Variants in NPHP4 observed in about 807,000 individuals in gnomAD.
NPHP4 encodes the protein nephrocystin 4.
A neutral mutation model predicts 155.8 loss-of-function variants in NPHP4; 151 were observed. The observed-to-expected ratio is 0.97, with a 90% CI of 0.85 to 1.11. The LOEUF (loss-of-function observed/expected upper bound fraction) is 1.11, where lower values mean the gene tolerates loss of function less well. Among genes scored for constraint, NPHP4 ranks in the 50% least tolerant of loss-of-function variants. The pLI, the probability that NPHP4 is intolerant of heterozygous loss-of-function variation, is 0.00. For missense variants in NPHP4, 1,956 were observed against 1,925.7 expected (o/e 1.02, Z -0.29); for synonymous variants, 845 against 816.8 (o/e 1.03, Z -0.59).
intron 8 of NPHP4, among the ~76,000 whole-genome samples, chr1:5,947,585 G>A (rs1647176618): frequency 6.6e-6 from 1 of 152,202 alleles, no homozygotes; most frequent in Non-Finnish European, 1.5e-5. Context: ...TGCCACAGAG[G>A]ATGGAGGCTC....
intron 2 of NPHP4, among the ~76,000 whole-genome samples, chr1:5,979,337 GGGGCA>G (rs575682989): frequency 1.6e-4 from 24 of 151,886 alleles, no homozygotes; most frequent in African/African-American, 5.1e-4. Flanking sequence ...TGGGTGGGGC[GGGGCA>G]GGGCAGGGCA....
At chr1:5,989,928 A>C (rs772505146) in intron 1 of NPHP4, among the ~76,000 whole-genome samples, 5 of 152,180 alleles carry the variant, frequency 3.3e-5, no homozygotes, top group Non-Finnish European at 7.4e-5. Context: ...ATCCATTCCG[A>C]AAGCACCTGC....
chr1:5,900,734 G>T (rs147436209), intron 16 of NPHP4, among the ~76,000 whole-genome samples: 1 of 152,062 alleles, frequency 6.6e-6, no homozygotes, highest in Admixed American at 6.5e-5. Flanking sequence ...TTCATCAATT[G>T]TAACAAATGT....
chr1:5,914,626 C>G (rs1645368060), intron 11 of NPHP4, among the ~76,000 whole-genome samples: 1 of 152,102 alleles, frequency 6.6e-6, no homozygotes, highest in Non-Finnish European at 1.5e-5. Flanking sequence ...TTTTCACCAC[C>G]TTTACTTTCC....
intron 19 of NPHP4, 142 bp downstream of exon 19, chr1:5,879,972 G>A (rs915818746): frequency 3.2e-5 from 32 of 986,774 alleles, no homozygotes; most frequent in Admixed American, 4.3e-5. Flanking sequence ...CGTCCTAGAC[G>A]CAGAGGGGCA....
chr1:5,906,940 G>A (rs915694059), intron 13 of NPHP4, among the ~76,000 whole-genome samples, 175 bp downstream of exon 13: 4 of 152,226 alleles, frequency 2.6e-5, no homozygotes, highest in Non-Finnish European at 5.9e-5. Flanking sequence ...AGACAGAATG[G>A]TGACAACTGT....
intron 16 of NPHP4, among the ~76,000 whole-genome samples, chr1:5,899,034 G>A (rs1056794028): frequency 6.6e-6 from 1 of 152,196 alleles, no homozygotes; most frequent in African/African-American, 2.4e-5. Flanking sequence ...CGATCACCAC[G>A]TGACTGGCGA....
At position 5,944,968 on chromosome 1, in the gene NPHP4, G is replaced by A. The variant is rs752732500; in HGVS notation, c.1119+2136C>T. Among the ~76,000 whole-genome samples the A allele has an allele frequency of 5.3e-5, 8 of 152,086 alleles. No individual in the cohort carries two copies. Among genetic ancestry groups the A allele is most frequent in the African/African-American group, 1.7e-4 (7 of 41,390 alleles). ...AGAGTGAGACTCTGTCTCGAAAAGA[G>A]AAGAGAAGAGAAATCAGTGACTCCA... On this transcript the variant is annotated intron_variant, in intron 9 of 29. Transcript: ENST00000378156. This position sits in a 1 kb window ranked among gnomAD's most constrained non-coding sequence, Gnocchi z 4.3.
At chr1:5,919,915 T>C (rs537288187) in intron 11 of NPHP4, among the ~76,000 whole-genome samples, 6 of 152,042 alleles carry the variant, frequency 3.9e-5, no homozygotes, top group Non-Finnish European at 5.9e-5. Flanking sequence ...ACTGCATGCA[T>C]TTATTTACTT....
In NPHP4 at chr1:5,951,523, C is replaced by T. The variant is rs1024446244; in HGVS notation, c.810+1177G>A. Among the ~76,000 whole-genome samples the T allele has an allele frequency of 6.6e-5, 10 of 152,188 alleles. 1 individual carries two copies. The highest frequency in any genetic ancestry group is 1.5e-4 in the Non-Finnish European group (10 of 68,038). ...GGGCTGACCCCTCTTCTCCCTACTC[C>T]ATCTGGTGATCATCAGCAAAGGCGC... On this transcript the variant is annotated intron_variant, in intron 7 of 29. Coordinates refer to ENST00000378156, the MANE Select transcript of NPHP4 (RefSeq NM_015102.5).
intron 23 of NPHP4, among the ~76,000 whole-genome samples, chr1:5,868,621 C>T (rs897644549): frequency 5.3e-5 from 8 of 150,608 alleles, no homozygotes; most frequent in Non-Finnish European, 1.2e-4. Flanking sequence ...CACGTGCACA[C>T]ACATGCAAAC....
chr1:5,976,996 G>A (rs1276290850), intron 3 of NPHP4, among the ~76,000 whole-genome samples: 2 of 152,076 alleles, frequency 1.3e-5, no homozygotes, highest in Non-Finnish European at 2.9e-5. Context: ...CCAATACCAG[G>A]CCTCTTGGGG....
In NPHP4 at chr1:5,912,408, G is replaced by A. The variant is rs568862938; in HGVS notation, c.1442-3195C>T. ...AAAAAATTAGCCGGGTATGGTGGTGGGCACCTGTAGTCCCAGCTACTCAGG... is the reference window on the plus strand; with the variant it reads ...AAAAAATTAGCCGGGTATGGTGGTGAGCACCTGTAGTCCCAGCTACTCAGG... On this transcript the variant is annotated intron_variant, in intron 11 of 29. Coordinates refer to ENST00000378156, the MANE Select transcript of NPHP4 (RefSeq NM_015102.5). Among the ~76,000 whole-genome samples the A allele has an allele frequency of 4.7e-4, 71 of 152,080 alleles. 3 individuals are homozygous for A. The South Asian group carries it at 0.014, about 29-fold the overall frequency.
At chr1:5,879,555 T>A (rs1570176829) in intron 19 of NPHP4, 1 of 518,942 alleles carries the variant, frequency 1.9e-6, no homozygotes, top group African/African-American at 1.9e-5. Flanking sequence ...CCCTTGCAGA[T>A]GAGCAGCCAA....
chr1:5,976,312 G>A (rs185606058), intron 3 of NPHP4, among the ~76,000 whole-genome samples: 4 of 152,236 alleles, frequency 2.6e-5, no homozygotes. Context: ...ATGAAATGAC[G>A]GCATGCTTCT....
rs1055224633 is a variant in NPHP4 at position 5,890,256 on chromosome 1, A to G, written c.2304+612T>C. 6.6e-6 allele frequency among the ~76,000 whole-genome samples: 1 copy of G among 152,184 alleles called. No homozygotes were observed. Among genetic ancestry groups the G allele is most frequent in the Non-Finnish European group, 1.5e-5 (1 of 68,036 alleles). ...GGCCTGAGAGAAGTCTCAGGACACC[A>G]TGGTAGCGTGTGAAACTGGCCCCAG... On this transcript the variant is annotated intron_variant, in intron 17 of 29. Coordinates refer to ENST00000378156, the MANE Select transcript of NPHP4 (RefSeq NM_015102.5). This position sits in a 1 kb window ranked among gnomAD's most constrained non-coding sequence, Gnocchi z 4.9.
chr1:5,874,395 G>A, intron 22 of NPHP4, 76 bp downstream of exon 22: 1 of 1,343,610 alleles, frequency 7.4e-7, no homozygotes, highest in South Asian at 1.5e-5. Flanking sequence ...AGGGACACTG[G>A]TGGAGACTGG....
At chr1:5,885,023 G>A (rs3938701) in intron 18 of NPHP4, among the ~76,000 whole-genome samples, 17 of 66,984 alleles carry the variant, frequency 2.5e-4, no homozygotes, top group Non-Finnish European at 3.3e-4. Flanking sequence ...ATCCTACGCC[G>A]CAACCAAGAT....
intron 11 of NPHP4, among the ~76,000 whole-genome samples, chr1:5,923,200 T>A (rs1040139420): frequency 6.6e-6 from 1 of 152,144 alleles, no homozygotes; most frequent in Non-Finnish European, 1.5e-5. Context: ...GTGGGGATGA[T>A]TTCAGCAGCC....
Sources: gnomAD v4.1 joint callset for allele counts (sites outside exome capture counted in the v4.1 genomes callset) on GRCh38, gnomAD v4.1.1 for gene constraint, Gnocchi (gnomAD v3.1) non-coding constraint, MANE v1.5 for transcripts, NCBI Gene and HGNC (gene_info 2026-07-23, HGNC 2026-07-21) for gene names.